Variants in GLIPR1 observed in about 807,000 individuals in gnomAD.
GLIPR1 encodes the protein GLI pathogenesis related 1.
In GLIPR1, 38 loss-of-function variants were observed where a neutral mutation model predicts 30.3. The observed-to-expected ratio is 1.26, with a 90% confidence interval of 0.97 to 1.65. The LOEUF (loss-of-function observed/expected upper bound fraction) is 1.65, where lower values mean the gene tolerates loss of function less well. GLIPR1 is among the 40% of genes most tolerant of loss of function. The pLI is 0.00. For synonymous variants in GLIPR1, 122 were observed against 110.6 expected, an observed-to-expected ratio of 1.10 and a Z score of -0.65; for missense variants, 285 against 326.5, an observed-to-expected ratio of 0.87 and a Z score of 0.98.
In GLIPR1 at chr12:75,495,662, G is replaced by C. The variant is rs2046346092; in HGVS notation, c.619G>C (p.Val207Leu). 1 of 1,581,620 alleles carries C rather than the reference G, an allele frequency of 6.3e-7. No individual in the cohort carries two copies. Among genetic ancestry groups the C allele is most frequent in the Non-Finnish European group, 8.7e-7 (1 of 1,150,820 alleles). The change falls in exon 4 of 6, where the codon GTT becomes CTT. Residue 207 changes from valine to leucine, a missense_variant and splice_region_variant. Val to Leu is a conservative substitution (Grantham distance 32). Coordinates refer to ENST00000266659, the MANE Select transcript of GLIPR1 (RefSeq NM_006851.3). ...NNDKCLDNLC[V>L]NRQRDQVKRY... Reference sequence around the variant, plus strand: ...TGACAAGTGTTTGGACAATCTCTGTGGTGAGTAAAAGGAACAATACACCAA... The same window carrying C: ...TGACAAGTGTTTGGACAATCTCTGTCGTGAGTAAAAGGAACAATACACCAA...
Position 75,499,025 on chromosome 12 carries a change from TG to T in GLIPR1, c.*49del. The T allele has an allele frequency of 1.5e-6, 2 of 1,345,356 alleles. No homozygotes were observed. Among genetic ancestry groups the T allele is most frequent in the Non-Finnish European group, 1.0e-6 (1 of 994,110 alleles). The allele number at this position is 1,345,356 out of a possible 1,614,324, so 83.3% of individuals were successfully genotyped here. ...CCCAAAAACCAACCTCATTCACATA[TG>T]GCTTTTTTTTTAACCAATAACAATT... On this transcript the variant is annotated 3_prime_UTR_variant, in exon 6 of 6. Coordinates refer to ENST00000266659, the MANE Select transcript of GLIPR1 (RefSeq NM_006851.3).
chr12:75,486,537 G>A (rs1278763211), intron 2 of GLIPR1, among the ~76,000 whole-genome samples: 1 of 152,112 alleles, frequency 6.6e-6, no homozygotes, highest in Non-Finnish European at 1.5e-5. Flanking sequence ...ATGAACTCAA[G>A]CCTTGTGGCT....
chr12:75,501,504 C>A lies in GLIPR1; in HGVS notation c.*2526C>A. The A allele has an allele frequency of 4.0e-6, 2 of 502,692 alleles. No individual in the cohort carries two copies. Among genetic ancestry groups the A allele is most frequent in the Non-Finnish European group, 7.1e-6 (2 of 282,884 alleles). 31.1% of individuals were successfully genotyped at this position (502,692 alleles called of 1,614,324 possible). On this transcript the variant is annotated 3_prime_UTR_variant, in exon 6 of 6. Transcript: ENST00000266659. ...TCTTTTCCAAGCACAGACCAGAGGT[C>A]AGGAGAGGACTGTCAATCCAGTTTG...
Position 75,481,836 on chromosome 12 carries a change from T to C in GLIPR1, c.177T>C (p.Thr59=). ...KPTASDMLYM[T]WDPALAQIAK... The stretch of plus-strand genomic sequence containing the variant: ...TTGTTTAATGTTTATTTTTGCAGAC[T>C]TGGGACCCAGCACTAGCCCAAATTG... The change falls in exon 2 of 6, where the codon ACT becomes ACC. Residue 59 remains threonine (T), a splice_region_variant and synonymous_variant. Coordinates refer to ENST00000266659, the MANE Select transcript of GLIPR1 (RefSeq NM_006851.3). 1 of 1,614,030 alleles carries C rather than the reference T, an allele frequency of 6.2e-7. No homozygotes were observed. The highest frequency in any genetic ancestry group is 8.5e-7 in the Non-Finnish European group (1 of 1,179,900).
chr12:75,483,451 T>C (rs1365643693), intron 2 of GLIPR1: 1 of 152,122 alleles, frequency 6.6e-6, no homozygotes, highest in African/African-American at 2.4e-5. Context: ...CCTGAGACAA[T>C]AGTTTATGAG....
Position 75,482,058 on chromosome 12 carries a change from A to T in GLIPR1, c.399A>T (p.Lys133Asn). 3 of 1,614,046 alleles carry T rather than the reference A, an allele frequency of 1.9e-6. No homozygotes were observed. Among genetic ancestry groups the T allele is most frequent in the Non-Finnish European group, 2.5e-6 (3 of 1,179,878 alleles). The change falls in exon 2 of 6, where the codon AAA (lysine) becomes AAT (asparagine). Residue 133 changes from lysine (K) to asparagine (N), a missense_variant. Lys to Asn is a moderately conservative substitution (Grantham distance 94, BLOSUM62 0). Coordinates refer to ENST00000266659, the MANE Select transcript of GLIPR1 (RefSeq NM_006851.3). ...DYDFKTRICKKVCGHYTQVVW... is the reference protein window; with the variant it reads ...DYDFKTRICKNVCGHYTQVVW... ...ACTTCAAGACTCGGATATGCAAAAA[A>T]GTCTGTGGCCACTACACTCAGGTAA...
chr12:75,498,981 C>T lies in GLIPR1; in HGVS notation c.*3C>T. ...CTAATTTAGTTCTTTTGGACTAATA[C>T]AATTCAGGAAAGAAAAAACCCAAAA... is the stretch of plus-strand genomic sequence containing the variant. On this transcript the variant is annotated 3_prime_UTR_variant, in exon 6 of 6. Coordinates refer to ENST00000266659, the MANE Select transcript of GLIPR1 (RefSeq NM_006851.3). 1.3e-6 allele frequency: 2 copies of T among 1,555,456 alleles called. No homozygotes were observed. Among genetic ancestry groups the T allele is most frequent in the Non-Finnish European group, 1.7e-6 (2 of 1,155,936 alleles).
rs755731203 is a variant in GLIPR1, at chr12:75,490,556, C to CG, written c.533+38_533+39insG. 11 of 147,452 alleles carry CG rather than the reference C, an allele frequency of 7.5e-5. 3 individuals carry two copies. The Admixed American group carries it at 9.0e-4, about 12-fold the overall frequency. 9.1% of individuals were successfully genotyped at this position (147,452 alleles called of 1,614,324 possible). On this transcript the variant is annotated intron_variant, in intron 3 of 5. Coordinates refer to ENST00000266659, the MANE Select transcript of GLIPR1 (RefSeq NM_006851.3). Reference sequence around the variant, plus strand: ...ATCAACCGGTTTATAGGAAACGCCCCCCCCCCCCCGCAAAAAAAAACAACA... The same window carrying CG: ...ATCAACCGGTTTATAGGAAACGCCCCGCCCCCCCCCGCAAAAAAAAACAACA...
intron 4 of GLIPR1, chr12:75,495,912 A>G: frequency 3.4e-6 from 1 of 294,972 alleles, no homozygotes; most frequent in Admixed American, 5.0e-5. Flanking sequence ...CAGAAACTGT[A>G]GACTAAGATT....
rs1445198380 is a variant in GLIPR1 at position 75,502,224 on chromosome 12, G to A, written c.*3246G>A. ...ATGGAATACAACCCAGAGTAGTTCA[G>A]GGATATGGCATGGAAGGTCACTGAT... On this transcript the variant is annotated 3_prime_UTR_variant, in exon 6 of 6. Transcript: ENST00000266659. The A allele has an allele frequency of 4.8e-6, 2 of 413,488 alleles. No individual in the cohort carries two copies. Among genetic ancestry groups the A allele is most frequent in the East Asian group, 3.9e-5 (1 of 25,956 alleles). 25.6% of individuals were successfully genotyped at this position (413,488 alleles called of 1,614,324 possible). A position where few individuals can be genotyped will look rare whatever the true frequency, so the allele number is the denominator to read the frequency against.
Position 75,497,606 on chromosome 12 carries a change from T to C in GLIPR1, c.620-1088T>C, listed in dbSNP as rs530253551. 6 of 152,324 alleles carry C rather than the reference T, an allele frequency of 3.9e-5. No homozygotes were observed. In the South Asian group the frequency reaches 1.0e-3, roughly 26 times the overall value. The allele number at this position is 152,324 out of a possible 1,614,324, so 9.4% of individuals were successfully genotyped here. A position where few individuals can be genotyped will look rare whatever the true frequency, so the allele number is the denominator to read the frequency against. On this transcript the variant is annotated intron_variant, in intron 4 of 5. Coordinates refer to ENST00000266659, the MANE Select transcript of GLIPR1 (RefSeq NM_006851.3). ...GACTAAAAAACTTAAGAATCACCAT[T>C]TGACCTTTTATAAGGTCTGATGAAG...
At chr12:75,495,728 A>C (rs1464023408) in intron 4 of GLIPR1, 66 bp downstream of exon 4, 4 of 933,722 alleles carry the variant, frequency 4.3e-6, no homozygotes, top group Non-Finnish European at 6.8e-6. Context: ...CTACAGAATT[A>C]ACAATGAAAC....
chr12:75,485,533 T>TTTTATTTATTTATTAATTTA (rs2046289531), intron 2 of GLIPR1, among the ~76,000 whole-genome samples: 1 of 110,428 alleles, frequency 9.1e-6, no homozygotes, highest in African/African-American at 3.0e-5. Context: ...GACAGCTTTA[T>TTTTATTTATTTATTAATTTA]TTTATTTATT....
chr12:75,501,592 G>T lies in GLIPR1; in HGVS notation c.*2614G>T. On this transcript the variant is annotated 3_prime_UTR_variant, in exon 6 of 6. Transcript: ENST00000266659. ...TATCTCAGCCATCCCTTGTCCTTAG[G>T]ATTAGTAATTAATGAAATGCTAAGA... is the stretch of plus-strand genomic sequence containing the variant. The T allele has an allele frequency of 1.6e-6, 1 of 640,696 alleles. No individual in the cohort carries two copies. Among genetic ancestry groups the T allele is most frequent in the Admixed American group, 2.9e-5 (1 of 35,004 alleles). The allele number at this position is 640,696 out of a possible 1,614,324, so 39.7% of individuals were successfully genotyped here.
In GLIPR1 at chr12:75,499,770, A is replaced by G; in HGVS notation, c.*792A>G. 6.7e-7 allele frequency: 1 copy of G among 1,495,868 alleles called. No homozygotes were observed. Among genetic ancestry groups the G allele is most frequent in the Non-Finnish European group, 9.0e-7 (1 of 1,115,928 alleles). The allele number at this position is 1,495,868 out of a possible 1,614,324, so 92.7% of individuals were successfully genotyped here. A position where few individuals can be genotyped will look rare whatever the true frequency, so the allele number is the denominator to read the frequency against. Reference sequence around the variant, plus strand: ...AATGCCTGATATCTCAAAATCCTTTACAAAAGGAGATAGTTCTAGTCAAGG... The same window carrying G: ...AATGCCTGATATCTCAAAATCCTTTGCAAAAGGAGATAGTTCTAGTCAAGG... On this transcript the variant is annotated 3_prime_UTR_variant, in exon 6 of 6. Transcript: ENST00000266659.
intron 4 of GLIPR1, chr12:75,498,117 A>AAAAG (rs2046362995): frequency 6.6e-6 from 1 of 152,522 alleles, no homozygotes; most frequent in South Asian, 2.1e-4. Context: ...TCTATTTTAT[A>AAAAG]AAAGAAAGTA....
intron 2 of GLIPR1, among the ~76,000 whole-genome samples, chr12:75,488,396 G>T (rs1594057034): frequency 6.6e-6 from 1 of 152,234 alleles, no homozygotes; most frequent in East Asian, 1.9e-4. Flanking sequence ...AATTAGCCGG[G>T]CATGGTGGCA....
chr12:75,490,560 C>CT (rs766938980), intron 3 of GLIPR1, 42 bp downstream of exon 3: 3 of 188,592 alleles, frequency 1.6e-5, no homozygotes, highest in African/African-American at 2.4e-4. Flanking sequence ...ACGCCCCCCC[C>CT]CCCCCGCAAA....
Position 75,499,960 on chromosome 12 carries a change from A to G in GLIPR1, c.*982A>G. On this transcript the variant is annotated 3_prime_UTR_variant, in exon 6 of 6. Transcript: ENST00000266659. ...TTTAGTTTCAGTAGAAGCTAGACAA[A>G]TTAAAAGCACAACACATGTAATACT... 6.3e-7 allele frequency: 1 copy of G among 1,586,856 alleles called. No individual in the cohort carries two copies. Among genetic ancestry groups the G allele is most frequent in the Non-Finnish European group, 8.5e-7 (1 of 1,171,286 alleles).
Sources: allele counts gnomAD v4.1 joint callset (sites outside exome capture counted in the v4.1 genomes callset), GRCh38; gene constraint gnomAD v4.1.1; transcripts MANE v1.5; gene names NCBI Gene and HGNC (gene_info 2026-07-23, HGNC 2026-07-21).